The following ASTN2 variants were observed in gnomAD, a reference collection of about 807,000 sequenced individuals.
ASTN2 encodes the protein astrotactin 2.
In ASTN2, 54 loss-of-function variants were observed where a neutral mutation model predicts 139.8. The observed-to-expected ratio is 0.39, with a 90% CI of 0.31 to 0.48. The LOEUF (loss-of-function observed/expected upper bound fraction) is 0.48, where lower values mean the gene tolerates loss of function less well. Among genes scored for constraint, ASTN2 ranks in the 20% least tolerant of loss-of-function variants. ASTN2 has a pLI of 0.95. For missense variants in ASTN2, 1,565 were observed against 1,725.1 expected, an observed-to-expected ratio of 0.91 and a Z score of 1.64; for synonymous variants, 756 against 719.5, an observed-to-expected ratio of 1.05 and a Z score of -0.81.
chr9:117,411,888 G>A (rs1381249286), intron 1 of ASTN2, among the ~76,000 whole-genome samples: 1 of 152,190 alleles, frequency 6.6e-6, no homozygotes, highest in Non-Finnish European at 1.5e-5. Context: ...ACGTTAGGCA[G>A]GATGTTTAAA....
chr9:117,363,640 G>A (rs1587982270), intron 1 of ASTN2, among the ~76,000 whole-genome samples: 1 of 152,226 alleles, frequency 6.6e-6, no homozygotes, highest in Middle Eastern at 3.4e-3. Flanking sequence ...CCTCAGAGAA[G>A]GTGGCATATT....
chr9:117,052,224 A>G (rs933781394), intron 5 of ASTN2, among the ~76,000 whole-genome samples: 8 of 152,094 alleles, frequency 5.3e-5, no homozygotes, highest in African/African-American at 1.9e-4. Context: ...GCGGATCATG[A>G]GGTCAGGAGA....
At chr9:116,727,030 A>G (rs1399597464) in intron 15 of ASTN2, among the ~76,000 whole-genome samples, 2 of 148,012 alleles carry the variant, frequency 1.4e-5, no homozygotes, top group East Asian at 3.9e-4. Context: ...ACACACACAC[A>G]CACACACACA....
rs1859671896 is a variant in ASTN2, at chr9:116,678,973, G to A, written c.2807-27180C>T. ...CTTTTGAAGATGATTTTCATGTAAT[G>A]TTAAAAGATAATGAAAGGGTTTCGT... On this transcript the variant is annotated intron_variant, in intron 16 of 22. Coordinates refer to ENST00000313400, the MANE Select transcript of ASTN2 (RefSeq NM_001365068.1). Among the ~76,000 whole-genome samples the A allele has an allele frequency of 2.0e-5, 3 of 152,186 alleles. No homozygotes were observed. The South Asian group carries it at 6.2e-4, about 31-fold the overall frequency.
chr9:117,167,397 T>C (rs1238427221), intron 3 of ASTN2, among the ~76,000 whole-genome samples: 1 of 152,158 alleles, frequency 6.6e-6, no homozygotes, highest in Non-Finnish European at 1.5e-5. Context: ...TCAGGAGATT[T>C]TGAGATGATT....
intron 13 of ASTN2, among the ~76,000 whole-genome samples, chr9:116,791,243 G>A (rs1830549650): frequency 6.6e-6 from 1 of 152,192 alleles, no homozygotes; most frequent in Non-Finnish European, 1.5e-5. Flanking sequence ...GGTAAAGCCA[G>A]GGCTAGAACT....
intron 1 of ASTN2, among the ~76,000 whole-genome samples, chr9:117,343,584 A>G (rs1829124819): frequency 6.6e-6 from 1 of 152,218 alleles, no homozygotes; most frequent in African/African-American, 2.4e-5. Context: ...ATCCTGTGAG[A>G]TAGACACTAT....
chr9:117,295,935 G>A (rs1461052856), intron 1 of ASTN2, among the ~76,000 whole-genome samples: 2 of 151,996 alleles, frequency 1.3e-5, no homozygotes, highest in South Asian at 2.1e-4. Context: ...GTCATCGCAG[G>A]GGCATGAAGC....
At chr9:116,957,971 G>T (rs527296149) in intron 10 of ASTN2, among the ~76,000 whole-genome samples, 109 of 152,224 alleles carry the variant, frequency 7.2e-4, no homozygotes, top group Non-Finnish European at 1.4e-3. Flanking sequence ...GAGCCACCCC[G>T]CCTGGCCTAG....
chr9:116,723,834 G>A (rs919366519), intron 16 of ASTN2, among the ~76,000 whole-genome samples: 2 of 152,300 alleles, frequency 1.3e-5, no homozygotes, highest in African/African-American at 2.4e-5. Flanking sequence ...AAGTATGGAC[G>A]ATGGAAGCAA....
At chr9:116,956,777 A>T (rs1266446101) in intron 10 of ASTN2, among the ~76,000 whole-genome samples, 2 of 152,100 alleles carry the variant, frequency 1.3e-5, no homozygotes. Context: ...ATTTCTCTAC[A>T]CTAGCAATGA....
chr9:117,002,938 G>A (rs920566569), intron 7 of ASTN2, among the ~76,000 whole-genome samples: 1 of 152,166 alleles, frequency 6.6e-6, no homozygotes, highest in African/African-American at 2.4e-5. Context: ...GAGGGGTTCA[G>A]GAATGCCACC....
At chr9:116,710,798 C>T (rs1307067790) in intron 16 of ASTN2, among the ~76,000 whole-genome samples, 1 of 147,398 alleles carries the variant, frequency 6.8e-6, no homozygotes, top group Non-Finnish European at 1.5e-5. Flanking sequence ...TTCTGAGCAA[C>T]CACATGAATA....
intron 10 of ASTN2, among the ~76,000 whole-genome samples, chr9:116,964,687 G>A (rs926092840): frequency 3.9e-5 from 6 of 152,186 alleles, no homozygotes; most frequent in African/African-American, 1.4e-4. Flanking sequence ...TATGATGTGG[G>A]TAGTTTGTTC....
intron 2 of ASTN2, among the ~76,000 whole-genome samples, chr9:117,244,956 C>A (rs1488364029): frequency 1.3e-5 from 2 of 152,024 alleles, no homozygotes; most frequent in Non-Finnish European, 2.9e-5. Context: ...TATATGTAGG[C>A]AGATCTAATG....
At chr9:117,395,573 G>A (rs1320450386) in intron 1 of ASTN2, among the ~76,000 whole-genome samples, 1 of 152,186 alleles carries the variant, frequency 6.6e-6, no homozygotes, top group Non-Finnish European at 1.5e-5. Context: ...ACTCAAGGCT[G>A]GTGTTCTGAG....
At chr9:116,470,896 T>G (rs955395552) in intron 20 of ASTN2, among the ~76,000 whole-genome samples, 2 of 152,204 alleles carry the variant, frequency 1.3e-5, no homozygotes, top group African/African-American at 2.4e-5. Context: ...TGCCATTGGT[T>G]ACCTACATTG....
Position 117,044,089 on chromosome 9 carries a change from T to C in ASTN2, c.1277-4124A>G, listed in dbSNP as rs187367126. Reference sequence around the variant, plus strand: ...TATGTGTCTAATGCCAAGCAAAGATTTGGCACATAGTAGGCCCTTGGTAAA... The same window carrying C: ...TATGTGTCTAATGCCAAGCAAAGATCTGGCACATAGTAGGCCCTTGGTAAA... On this transcript the variant is annotated intron_variant, in intron 5 of 22. Coordinates refer to ENST00000313400, the MANE Select transcript of ASTN2 (RefSeq NM_001365068.1). Among the ~76,000 whole-genome samples, 28 of 152,276 alleles carry C rather than the reference T, an allele frequency of 1.8e-4. No individual in the cohort carries two copies. In the East Asian group the frequency reaches 4.6e-3, roughly 25 times the overall value.
chr9:116,870,007 A>G (rs1833117812), intron 10 of ASTN2, among the ~76,000 whole-genome samples: 1 of 151,402 alleles, frequency 6.6e-6, no homozygotes, highest in Non-Finnish European at 1.5e-5. Flanking sequence ...GTTACTCAGG[A>G]AGCTGAGGTA....
Sources: allele counts gnomAD v4.1 joint callset (sites outside exome capture counted in the v4.1 genomes callset), GRCh38; gene constraint gnomAD v4.1.1; transcripts MANE v1.5; gene names NCBI Gene and HGNC (gene_info 2026-07-23, HGNC 2026-07-21).